The following NT5E variants were observed in gnomAD, a reference collection of about 807,000 sequenced individuals.
NT5E encodes 5'-nucleotidase.
A neutral mutation model predicts 55.1 loss-of-function variants in NT5E; 53 were observed. The ratio of observed to expected loss-of-function variants is 0.96; its 90% CI spans 0.77 to 1.21. NT5E has a LOEUF of 1.21. NT5E is among the 50% of genes most tolerant of loss of function. The pLI is 0.00. For synonymous variants in NT5E, 270 were observed against 278.4 expected (o/e 0.97, Z 0.30); for missense variants, 683 against 724.3 (o/e 0.94, Z 0.65).
intron 1 of NT5E, among the ~76,000 whole-genome samples, chr6:85,463,093 T>G (rs1465059463): frequency 6.6e-6 from 1 of 152,156 alleles, no homozygotes; most frequent in Non-Finnish European, 1.5e-5. Context: ...AAAATAGTGT[T>G]TTAGGTTTTC....
chr6:85,457,085 C>T (rs1054432032), intron 1 of NT5E, among the ~76,000 whole-genome samples: 4 of 152,142 alleles, frequency 2.6e-5, no homozygotes, highest in African/African-American at 9.7e-5. Flanking sequence ...GTTCAAGCAC[C>T]AGGCAATGGG....
chr6:85,468,423 G>GT (rs1437590772), intron 2 of NT5E, among the ~76,000 whole-genome samples: 1 of 152,220 alleles, frequency 6.6e-6, no homozygotes, highest in Non-Finnish European at 1.5e-5. Context: ...CTTGAGAGCT[G>GT]TGTAAAACAT....
chr6:85,481,435 G>A (rs180982085), intron 3 of NT5E, among the ~76,000 whole-genome samples: 4 of 152,226 alleles, frequency 2.6e-5, no homozygotes, highest in African/African-American at 9.6e-5. Flanking sequence ...GAGTTAACAT[G>A]GTCAATAATC....
At chr6:85,456,903 G>A (rs1769002281) in intron 1 of NT5E, among the ~76,000 whole-genome samples, 1 of 152,220 alleles carries the variant, frequency 6.6e-6, no homozygotes, top group African/African-American at 2.4e-5. Flanking sequence ...TTCCACATGT[G>A]TGAGGTATGT....
At chr6:85,478,087 A>G (rs138645589) in intron 3 of NT5E, among the ~76,000 whole-genome samples, 1 of 152,268 alleles carries the variant, frequency 6.6e-6, no homozygotes, top group African/African-American at 2.4e-5. Context: ...AAGCACAAGA[A>G]CTTATTTGTA....
rs574863804 is a variant in NT5E at position 85,469,325 on chromosome 6, G to C, written c.563-1912G>C. Among the ~76,000 whole-genome samples, 3 of 152,172 alleles carry C rather than the reference G, an allele frequency of 2.0e-5. No homozygotes were observed. The East Asian group carries it at 5.8e-4, about 29-fold the overall frequency. The stretch of plus-strand genomic sequence containing the variant: ...CTTGGCAGCCATACCTTAAGCAAAA[G>C]ATGGTAGCATACTCTCGACATTTAG... On this transcript the variant is annotated intron_variant, in intron 2 of 8. Coordinates refer to ENST00000257770, the MANE Select transcript of NT5E (RefSeq NM_002526.4).
chr6:85,450,793 A>T lies in NT5E; in HGVS notation c.339+315A>T, dbSNP rs1355193968. ...TATCCAGAGCTAGGGACTGAATCGG[A>T]TCCCTCACGCAGCTCTCATTTACTG... On this transcript the variant is annotated intron_variant, in intron 1 of 8. Coordinates refer to ENST00000257770, the MANE Select transcript of NT5E (RefSeq NM_002526.4). The surrounding 1 kb of genome is among the most constrained non-coding windows in gnomAD (Gnocchi z 4.0). Among the ~76,000 whole-genome samples the T allele has an allele frequency of 6.6e-6, 1 of 152,184 alleles. No homozygotes were observed. Among genetic ancestry groups the T allele is most frequent in the Non-Finnish European group, 1.5e-5 (1 of 68,040 alleles).
At chr6:85,475,900 G>A (rs1769424946) in intron 3 of NT5E, among the ~76,000 whole-genome samples, 1 of 152,082 alleles carries the variant, frequency 6.6e-6, no homozygotes, top group Admixed American at 6.5e-5. Flanking sequence ...GAGCCTGAAA[G>A]CTTACTTTTC....
At chr6:85,470,683 C>G (rs1044972865) in intron 2 of NT5E, among the ~76,000 whole-genome samples, 3 of 152,220 alleles carry the variant, frequency 2.0e-5, no homozygotes, top group Admixed American at 6.5e-5. Flanking sequence ...ATCAAGTGAT[C>G]TGCCTGCTGC....
At chr6:85,480,836 A>C (rs1417879740) in intron 3 of NT5E, among the ~76,000 whole-genome samples, 1 of 152,214 alleles carries the variant, frequency 6.6e-6, no homozygotes, top group Non-Finnish European at 1.5e-5. Flanking sequence ...TGGTTTTACA[A>C]ATTTAGAAAA....
intron 1 of NT5E, among the ~76,000 whole-genome samples, chr6:85,457,427 C>T (rs1769010233): frequency 6.6e-6 from 1 of 152,192 alleles, no homozygotes; most frequent in African/African-American, 2.4e-5. Context: ...CTCCTCCCCA[C>T]CCCTCTCTCT....
chr6:85,485,532 T>TATA, intron 4 of NT5E, 100 bp downstream of exon 4: 1 of 1,148,930 alleles, frequency 8.7e-7, no homozygotes, highest in Non-Finnish European at 1.3e-6. Flanking sequence ...AGGAAAAGAC[T>TATA]ATAATACTGT....
chr6:85,469,015 G>A (rs1469102612), intron 2 of NT5E, among the ~76,000 whole-genome samples: 1 of 152,236 alleles, frequency 6.6e-6, no homozygotes, highest in African/African-American at 2.4e-5. Flanking sequence ...AGGCCCAGCG[G>A]CCTGGTGTGG....
In NT5E at chr6:85,476,132, C is replaced by T. The variant is rs552478669; in HGVS notation, c.751+4707C>T. Among the ~76,000 whole-genome samples the T allele has an allele frequency of 2.5e-4, 38 of 152,304 alleles. No individual in the cohort carries two copies. In the South Asian group the frequency reaches 5.8e-3, roughly 23 times the overall value. On this transcript the variant is annotated intron_variant, in intron 3 of 8. Coordinates refer to ENST00000257770, the MANE Select transcript of NT5E (RefSeq NM_002526.4). The stretch of plus-strand genomic sequence containing the variant: ...CACTCCAGCTCCTGCCTTCACCTGG[C>T]AGAGTGTCCATGTGGGTAGTTGATC...
Position 85,467,338 on chromosome 6 carries a change from C to A in NT5E, c.562+56C>A, listed in dbSNP as rs927973163. 9 of 1,406,548 alleles carry A rather than the reference C, an allele frequency of 6.4e-6. No homozygotes were observed. The South Asian group carries it at 7.0e-5, about 11-fold the overall frequency. 87.1% of individuals were successfully genotyped at this position (1,406,548 alleles called of 1,614,324 possible). A position where few individuals can be genotyped will look rare whatever the true frequency, so the allele number is the denominator to read the frequency against. On this transcript the variant is annotated intron_variant, in intron 2 of 8. Transcript: ENST00000257770. ...TGAAAATAGATGCCCTAAATCACAG[C>A]TTGGCATTATATTTATGGACTGTAG...
chr6:85,469,551 G>T (rs1769263175), intron 2 of NT5E, among the ~76,000 whole-genome samples: 1 of 152,202 alleles, frequency 6.6e-6, no homozygotes, highest in Non-Finnish European at 1.5e-5. Context: ...CAGCAGGGGG[G>T]AAGGTATACC....
chr6:85,459,647 A>C (rs1259125810), intron 1 of NT5E, among the ~76,000 whole-genome samples: 2 of 152,216 alleles, frequency 1.3e-5, no homozygotes, highest in African/African-American at 4.8e-5. Flanking sequence ...TTTAAAGCCA[A>C]AACCAAATGA....
chr6:85,477,130 C>A (rs989630501), intron 3 of NT5E, among the ~76,000 whole-genome samples: 8 of 152,088 alleles, frequency 5.3e-5, no homozygotes, highest in Non-Finnish European at 1.2e-4. Context: ...AGCTCACCTT[C>A]AGACTTATGA....
chr6:85,466,284 G>A (rs557222509), intron 1 of NT5E, among the ~76,000 whole-genome samples: 1 of 152,236 alleles, frequency 6.6e-6, no homozygotes, highest in South Asian at 2.1e-4. Flanking sequence ...AAGAAGGTGG[G>A]AAACAAGGAT....
Sources: gnomAD v4.1 joint callset for allele counts (sites outside exome capture counted in the v4.1 genomes callset) on GRCh38, gnomAD v4.1.1 for gene constraint, Gnocchi (gnomAD v3.1) non-coding constraint, MANE v1.5 for transcripts, NCBI Gene and HGNC (gene_info 2026-07-23, HGNC 2026-07-21) for gene names.